The following FUCA1 variants were observed in gnomAD, a reference collection of about 807,000 sequenced individuals.
The protein encoded by FUCA1 is tissue alpha-L-fucosidase.
In FUCA1, 52 loss-of-function variants were observed where a neutral mutation model predicts 56.8. The ratio of observed to expected loss-of-function variants is 0.92; its 90% CI spans 0.73 to 1.15. The LOEUF (loss-of-function observed/expected upper bound fraction) is 1.15, where lower values mean the gene tolerates loss of function less well. FUCA1 is among the 50% of genes most tolerant of loss of function. The probability of loss-of-function intolerance (pLI) is 0.00; values close to 1 mark genes in which losing one functional copy is unlikely to be tolerated. For missense variants in FUCA1, 568 were observed against 592.6 expected (o/e 0.96, Z 0.43); for synonymous variants, 230 against 226.6 (o/e 1.02, Z -0.14).
chr1:23,859,369 G>A (rs1639459459), intron 4 of FUCA1, among the ~76,000 whole-genome samples: 1 of 151,956 alleles, frequency 6.6e-6, no homozygotes, highest in Admixed American at 6.6e-5. Context: ...GGGTTCGAGA[G>A]CAGCCTGCCC....
intron 2 of FUCA1, among the ~76,000 whole-genome samples, chr1:23,863,526 CATCTTTT>C (rs941726919): frequency 2.6e-5 from 4 of 152,106 alleles, no homozygotes; most frequent in African/African-American, 9.7e-5. Context: ...TTATTTAAAC[CATCTTTT>C]ATCTTTTAAG....
At chr1:23,865,468 A>G in intron 2 of FUCA1, 23 bp downstream of exon 2, 1 of 1,614,154 alleles carries the variant, frequency 6.2e-7, no homozygotes, top group Non-Finnish European at 8.5e-7. Context: ...GAGATAACAG[A>G]GTAACCATCC....
In FUCA1 at chr1:23,862,998, C is replaced by T. The variant is rs1379227765; in HGVS notation, c.662+136G>A. 4 of 947,246 alleles carry T rather than the reference C, an allele frequency of 4.2e-6. No individual in the cohort carries two copies. In the Admixed American group the frequency reaches 5.6e-5, roughly 13 times the overall value. The allele number at this position is 947,246 out of a possible 1,614,324, so 58.7% of individuals were successfully genotyped here. A position where few individuals can be genotyped will look rare whatever the true frequency, so the allele number is the denominator to read the frequency against. ...GGAAAGAACATATTTTGTCTTAATACAACCACCACTTTTTATTATTTTGAT... is the reference window on the plus strand; with the variant it reads ...GGAAAGAACATATTTTGTCTTAATATAACCACCACTTTTTATTATTTTGAT... On this transcript the variant is annotated intron_variant, in intron 3 of 7. Transcript: ENST00000374479.
intron 5 of FUCA1, among the ~76,000 whole-genome samples, chr1:23,850,148 T>C (rs1241371828): frequency 6.6e-6 from 1 of 151,622 alleles, no homozygotes; most frequent in African/African-American, 2.4e-5. Flanking sequence ...AGGCCCTGTC[T>C]CTACTAAAAA....
chr1:23,855,535 C>A (rs1482343804), intron 4 of FUCA1, among the ~76,000 whole-genome samples: 1 of 150,624 alleles, frequency 6.6e-6, no homozygotes, highest in Non-Finnish European at 1.5e-5. Flanking sequence ...AAACCATGTT[C>A]AATTCATCAC....
chr1:23,856,475 G>C (rs1032595170), intron 4 of FUCA1, among the ~76,000 whole-genome samples: 2 of 151,964 alleles, frequency 1.3e-5, no homozygotes, highest in African/African-American at 4.8e-5. Flanking sequence ...AATGTACTTT[G>C]TTTGTATGTC....
chr1:23,864,565 A>G (rs1639582854), intron 2 of FUCA1, among the ~76,000 whole-genome samples: 1 of 152,214 alleles, frequency 6.6e-6, no homozygotes, highest in Admixed American at 6.5e-5. Flanking sequence ...GGGACTAAAT[A>G]AAGATGGTAA....
rs1486221495 is a variant in FUCA1 at position 23,853,481 on chromosome 1, A to G, written c.969+879T>C. ...CGCCCAGCCAGCCGCCCGGTCCGGG[A>G]GGTGAGGGGCGCCTCTGCCCGGCCG... On this transcript the variant is annotated intron_variant, in intron 5 of 7. Transcript: ENST00000374479. Among the ~76,000 whole-genome samples the G allele has an allele frequency of 2.0e-5, 3 of 150,020 alleles. No homozygotes were observed. In the South Asian group the frequency reaches 6.3e-4, roughly 32 times the overall value.
At chr1:23,848,077 G>A (rs1639177911) in intron 6 of FUCA1, among the ~76,000 whole-genome samples, 1 of 152,022 alleles carries the variant, frequency 6.6e-6, no homozygotes, top group Non-Finnish European at 1.5e-5. Flanking sequence ...TATAGCAACA[G>A]AAAATGGACT....
At position 23,846,469 on chromosome 1, in the gene FUCA1, C is replaced by T. The variant is rs138792057; in HGVS notation, c.1161-296G>A. Among the ~76,000 whole-genome samples, 554 of 152,196 alleles carry T rather than the reference C, an allele frequency of 3.6e-3. 3 individuals carry two copies. Among genetic ancestry groups the T allele is most frequent in the African/African-American group, 0.013 (530 of 41,542 alleles). On this transcript the variant is annotated intron_variant, in intron 6 of 7. Coordinates refer to ENST00000374479, the MANE Select transcript of FUCA1 (RefSeq NM_000147.5). ...TATTTTTAGTAGAGATGGCATTTTG[C>T]TATGTTGACCAGGCTGGTCTTGAAC...
rs554781082 is a variant in FUCA1, at chr1:23,851,357, C to T, written c.970-2518G>A. Among the ~76,000 whole-genome samples the T allele has an allele frequency of 6.7e-4, 40 of 59,620 alleles. 1 individual carries two copies. The highest frequency in any genetic ancestry group is 2.7e-3 in the African/African-American group (37 of 13,478). 39.1% of individuals were successfully genotyped at this position (59,620 alleles called of 152,430 possible). A position where few individuals can be genotyped will look rare whatever the true frequency, so the allele number is the denominator to read the frequency against. On this transcript the variant is annotated intron_variant, in intron 5 of 7. Transcript: ENST00000374479. ...CTAGCCTGGGTGACAGAGTGAAGTT[C>T]GTTCATAAATAAATAAATAAATATA...
chr1:23,853,467 C>A (rs1639319278), intron 5 of FUCA1, among the ~76,000 whole-genome samples: 1 of 151,302 alleles, frequency 6.6e-6, no homozygotes, highest in South Asian at 2.1e-4. Flanking sequence ...GCCCAGCCAG[C>A]CGCCCGGTCC....
intron 3 of FUCA1, among the ~76,000 whole-genome samples, chr1:23,862,376 AG>A (rs1639527810): frequency 6.6e-6 from 1 of 152,166 alleles, no homozygotes; most frequent in Non-Finnish European, 1.5e-5. Context: ...CGTGTTGGCC[AG>A]GCTGGTCTCG....
chr1:23,854,979 G>C (rs975511030), intron 4 of FUCA1, among the ~76,000 whole-genome samples: 4 of 152,038 alleles, frequency 2.6e-5, no homozygotes, highest in Non-Finnish European at 4.4e-5. Flanking sequence ...CCTGCCTGGG[G>C]CCATGCCCCT....
chr1:23,845,800 C>A lies in FUCA1; in HGVS notation c.1316G>T (p.Gly439Val). 2 of 1,613,564 alleles carry A rather than the reference C, an allele frequency of 1.2e-6. No individual in the cohort carries two copies. The highest frequency in any genetic ancestry group is 1.7e-6 in the Non-Finnish European group (2 of 1,179,446). Residue 439 changes from glycine to valine, a missense_variant, in exon 8 of 8, where the codon GGT (glycine) becomes GTT (valine). Gly to Val is a moderately radical substitution (Grantham distance 109, BLOSUM62 -3). Transcript: ENST00000374479. ...DLKWSTDPDKGLFISLPQLPP... is the reference protein window; with the variant it reads ...DLKWSTDPDKVLFISLPQLPP... ...CAACTGGGGTAGAGAGATGAAGAGA[C>A]CTTTATCTGGATCTGTGGACCACTT...
At chr1:23,860,130 T>C (rs1251113227) in intron 3 of FUCA1, among the ~76,000 whole-genome samples, 1 of 152,208 alleles carries the variant, frequency 6.6e-6, no homozygotes, top group Non-Finnish European at 1.5e-5. Flanking sequence ...TGCACATCAC[T>C]GCATTTGACT....
Position 23,867,203 on chromosome 1 carries a change from T to A in FUCA1, c.389+695A>T, listed in dbSNP as rs191576612. 3.9e-5 allele frequency among the ~76,000 whole-genome samples: 6 copies of A among 152,208 alleles called. No individual in the cohort carries two copies. In the East Asian group the frequency reaches 1.2e-3, roughly 29 times the overall value. ...TACAGGGCTCTCAAGGCTCACTCCTTCAGGACAAGCCCCTGCCTTGACAAC... is the reference window on the plus strand; with the variant it reads ...TACAGGGCTCTCAAGGCTCACTCCTACAGGACAAGCCCCTGCCTTGACAAC... On this transcript the variant is annotated intron_variant, in intron 1 of 7. Coordinates refer to ENST00000374479, the MANE Select transcript of FUCA1 (RefSeq NM_000147.5). The surrounding 1 kb of genome is among the most constrained non-coding windows in gnomAD (Gnocchi z 4.9).
rs142042394 is a variant in FUCA1 at position 23,845,476 on chromosome 1, G to A, written c.*239C>T. ...AAATATTACAATTGATGAACTCAGAGTTCAACTGCTCAGTTCCTTCTTCTG... is the reference window on the plus strand; with the variant it reads ...AAATATTACAATTGATGAACTCAGAATTCAACTGCTCAGTTCCTTCTTCTG... On this transcript the variant is annotated 3_prime_UTR_variant, in exon 8 of 8. Coordinates refer to ENST00000374479, the MANE Select transcript of FUCA1 (RefSeq NM_000147.5). 1.8e-6 allele frequency: 1 copy of A among 567,500 alleles called. No individual in the cohort carries two copies. The highest frequency in any genetic ancestry group is 3.1e-5 in the East Asian group (1 of 32,728). The allele number at this position is 567,500 out of a possible 1,614,324, so 35.2% of individuals were successfully genotyped here. A position where few individuals can be genotyped will look rare whatever the true frequency, so the allele number is the denominator to read the frequency against.
At chr1:23,863,399 G>T in intron 2 of FUCA1, 128 bp from the exon 3 acceptor site, 2 of 890,268 alleles carry the variant, frequency 2.2e-6, no homozygotes, top group Non-Finnish European at 3.3e-6. Flanking sequence ...GAGAGGAATG[G>T]GATCCAAAAC....
Sources: allele counts gnomAD v4.1 joint callset (sites outside exome capture counted in the v4.1 genomes callset), GRCh38; gene constraint gnomAD v4.1.1; non-coding constraint Gnocchi (gnomAD v3.1); transcripts MANE v1.5; gene names NCBI Gene and HGNC (gene_info 2026-07-23, HGNC 2026-07-21).